The following FHIT variants were observed in gnomAD, a reference collection of about 807,000 sequenced individuals.
FHIT encodes the protein bis(5'-adenosyl)-triphosphatase.
Under a neutral mutation model 17.9 loss-of-function variants are expected in FHIT, and 19 were observed. The observed-to-expected ratio is 1.06, with a 90% confidence interval of 0.74 to 1.56. The LOEUF is 1.56. Among genes scored for constraint, FHIT ranks in the 40% most tolerant of loss-of-function variants. FHIT has a pLI of 0.00. For missense variants in FHIT, 248 were observed against 189.2 expected (o/e 1.31, Z -1.82); for synonymous variants, 81 against 69.7 (o/e 1.16, Z -0.81).
intron 5 of FHIT, among the ~76,000 whole-genome samples, chr3:60,116,919 C>G (rs75687307): frequency 0.015 from 2,281 of 152,106 alleles, 58 homozygotes; most frequent in African/African-American, 0.052. Context: ...AACAATCTCC[C>G]CTCTAGAAAA....
intron 5 of FHIT, among the ~76,000 whole-genome samples, chr3:60,409,272 C>T (rs1173975857): frequency 6.6e-6 from 1 of 152,118 alleles, no homozygotes; most frequent in Admixed American, 6.6e-5. Flanking sequence ...TTAACCCAAG[C>T]ACTACTGAAA....
intron 3 of FHIT, among the ~76,000 whole-genome samples, chr3:61,036,901 G>GTTTTTTTTTTTTTTTTTTTTTTTTTT (rs746649804): frequency 1.0e-4 from 7 of 70,302 alleles, no homozygotes; most frequent in African/African-American, 1.9e-4. Flanking sequence ...AGTCTGCTTT[G>GTTTTTTTTTTTTTTTTTTTTTTTTTT]TTTTTTTTTT....
chr3:60,006,739 T>C (rs541004416), intron 7 of FHIT, among the ~76,000 whole-genome samples: 147 of 152,116 alleles, frequency 9.7e-4, no homozygotes, highest in Non-Finnish European at 1.4e-3. Context: ...ATATGGCTAA[T>C]ATTCCTAACG....
intron 5 of FHIT, among the ~76,000 whole-genome samples, chr3:60,079,876 A>C (rs1463652497): frequency 6.6e-6 from 1 of 152,246 alleles, no homozygotes; most frequent in East Asian, 1.9e-4. Flanking sequence ...GAAAAAAATA[A>C]TGCCCAGAAT....
intron 4 of FHIT, among the ~76,000 whole-genome samples, chr3:60,757,084 T>C (rs193123628): frequency 1.3e-5 from 2 of 152,318 alleles, no homozygotes; most frequent in Admixed American, 1.3e-4. Context: ...CTGTCATTAG[T>C]AAGTATATTT....
At chr3:60,826,359 A>T (rs1553741024) in intron 3 of FHIT, among the ~76,000 whole-genome samples, 1 of 151,582 alleles carries the variant, frequency 6.6e-6, no homozygotes, top group African/African-American at 2.4e-5. Context: ...GGACTTTCAC[A>T]CTTGTTGCCC....
chr3:60,478,151 C>G (rs1386549649), intron 5 of FHIT, among the ~76,000 whole-genome samples: 4 of 152,154 alleles, frequency 2.6e-5, no homozygotes, highest in Non-Finnish European at 5.9e-5. Flanking sequence ...ATTTCACTAC[C>G]AAACATAATT....
At chr3:60,419,057 C>T (rs1702375985) in intron 5 of FHIT, among the ~76,000 whole-genome samples, 1 of 152,116 alleles carries the variant, frequency 6.6e-6, no homozygotes, top group African/African-American at 2.4e-5. Flanking sequence ...TTTTCATGGT[C>T]CCTTCTACCC....
chr3:60,552,582 A>G (rs1040344291), intron 4 of FHIT, among the ~76,000 whole-genome samples: 11 of 152,076 alleles, frequency 7.2e-5, no homozygotes, highest in African/African-American at 2.4e-4. Context: ...TGGTGATTCT[A>G]TTCCTAACGT....
intron 4 of FHIT, among the ~76,000 whole-genome samples, chr3:60,545,095 TAAAG>T (rs752479901): frequency 2.0e-4 from 30 of 150,646 alleles, no homozygotes; most frequent in Non-Finnish European, 1.8e-4. Context: ...TCTGATTTAC[TAAAG>T]ATTTTTTTTT....
intron 2 of FHIT, among the ~76,000 whole-genome samples, chr3:61,152,198 G>A (rs1186709684): frequency 6.6e-6 from 1 of 152,140 alleles, no homozygotes. Context: ...GTAAGAGTTA[G>A]CTAAGTGAAG....
chr3:60,513,660 C>CA (rs1242980033), intron 5 of FHIT, among the ~76,000 whole-genome samples: 1 of 152,088 alleles, frequency 6.6e-6, no homozygotes, highest in Non-Finnish European at 1.5e-5. Flanking sequence ...GGGAGCTGAA[C>CA]AATGAGAACA....
chr3:60,683,502 C>CA lies in FHIT; in HGVS notation c.-18+138416dup, dbSNP rs200148997. Among the ~76,000 whole-genome samples, 1,277 of 140,384 alleles carry CA rather than the reference C, an allele frequency of 9.1e-3. 17 individuals are homozygous for CA. The highest frequency in any genetic ancestry group is 0.031 in the African/African-American group (1,211 of 38,806). The allele number at this position is 140,384 out of a possible 152,430, so 92.1% of individuals were successfully genotyped here. A position where few individuals can be genotyped will look rare whatever the true frequency, so the allele number is the denominator to read the frequency against. ...CTCAAATGATCACCAGTATTTTTAG[C>CA]AAAAAAAATTTTTAAATTAAGATAA... On this transcript the variant is annotated intron_variant, in intron 4 of 9. Transcript: ENST00000492590.
chr3:60,991,072 G>C (rs112378038), intron 3 of FHIT, among the ~76,000 whole-genome samples: 74 of 152,342 alleles, frequency 4.9e-4, no homozygotes, highest in Middle Eastern at 3.4e-3. Context: ...ACGTGATAGA[G>C]AGACAGGTCC....
intron 3 of FHIT, among the ~76,000 whole-genome samples, chr3:60,823,087 T>C (rs1435998179): frequency 6.6e-6 from 1 of 152,224 alleles, no homozygotes; most frequent in African/African-American, 2.4e-5. Flanking sequence ...CAAGTATTTA[T>C]TGAGACTCTA....
intron 3 of FHIT, among the ~76,000 whole-genome samples, chr3:61,030,433 T>C (rs1489141126): frequency 1.3e-5 from 2 of 152,242 alleles, no homozygotes; most frequent in East Asian, 3.8e-4. Context: ...TTTCAGTTAG[T>C]TAAAATTAAA....
chr3:60,047,750 A>C (rs1234262697), intron 5 of FHIT, among the ~76,000 whole-genome samples: 1 of 152,224 alleles, frequency 6.6e-6, no homozygotes, highest in African/African-American at 2.4e-5. Context: ...TACAATTATT[A>C]TTCCCCACTT....
intron 3 of FHIT, among the ~76,000 whole-genome samples, chr3:60,991,586 A>G (rs1020129851): frequency 6.6e-6 from 1 of 152,188 alleles, no homozygotes; most frequent in African/African-American, 2.4e-5. Flanking sequence ...TTAAGAACAT[A>G]GTGCTAGTCA....
intron 5 of FHIT, among the ~76,000 whole-genome samples, chr3:60,121,714 ACAC>A (rs1297215886): frequency 1.5e-4 from 5 of 33,728 alleles, no homozygotes; most frequent in South Asian, 1.3e-3. Context: ...AAACAAACAC[ACAC>A]ACACACACAC....
Sources: allele counts gnomAD v4.1 joint callset (sites outside exome capture counted in the v4.1 genomes callset), GRCh38; gene constraint gnomAD v4.1.1; transcripts MANE v1.5; gene names NCBI Gene and HGNC (gene_info 2026-07-23, HGNC 2026-07-21).